ADRA1A: variants seen among roughly 807,000 people sequenced by gnomAD.
ADRA1A encodes alpha-1A adrenergic receptor.
Under a neutral mutation model 29.6 loss-of-function variants are expected in ADRA1A, and 31 were observed. The ratio of observed to expected loss-of-function variants is 1.05; its 90% confidence interval spans 0.79 to 1.41. The LOEUF (loss-of-function observed/expected upper bound fraction) is 1.41. ADRA1A is among the 40% of genes most tolerant of loss of function. The pLI is 0.00. For synonymous variants in ADRA1A, 311 were observed against 254.3 expected (o/e 1.22, Z -2.12); for missense variants, 619 against 601.1 (o/e 1.03, Z -0.31).
intron 2 of ADRA1A, among the ~76,000 whole-genome samples, chr8:26,749,337 A>G (rs554161161): frequency 1.3e-5 from 2 of 152,312 alleles, no homozygotes; most frequent in African/African-American, 2.4e-5. Context: ...TAACCAATCA[A>G]TATCTGGCTC....
chr8:26,842,501 A>C (rs1350665079), intron 2 of ADRA1A, among the ~76,000 whole-genome samples: 2 of 151,996 alleles, frequency 1.3e-5, no homozygotes, highest in African/African-American at 4.8e-5. Context: ...ATTCCCATTG[A>C]CCTGCCTTGA....
intron 2 of ADRA1A, chr8:26,859,079 C>T (rs1382078116): frequency 7.8e-7 from 1 of 1,283,832 alleles, no homozygotes; most frequent in Non-Finnish European, 1.0e-6. Flanking sequence ...TTTCACTTCT[C>T]AGCTGTGGAT....
At chr8:26,812,745 A>G (rs1265585968) in intron 2 of ADRA1A, among the ~76,000 whole-genome samples, 3 of 151,556 alleles carry the variant, frequency 2.0e-5, no homozygotes, top group South Asian at 2.1e-4. Flanking sequence ...GCTCACTGCA[A>G]GCTCCGCCTC....
Position 26,866,979 on chromosome 8 carries a change from T to C in ADRA1A, c.-730A>G, listed in dbSNP as rs570122. ...GCCACCAGCTCGCGCGCGGGGGATG[T>C]GGACCCGGCTTCGGTCCCGGGAGCT... On this transcript the variant is annotated 5_prime_UTR_variant, in exon 1 of 3. Coordinates refer to ENST00000380573, the MANE Select transcript of ADRA1A (RefSeq NM_000680.4). This position sits in a 1 kb window ranked among gnomAD's most constrained non-coding sequence, Gnocchi z 5.7. 929,638 of 985,260 alleles carry C rather than the reference T, an allele frequency of 0.94. 439,082 individuals are homozygous for C. Among genetic ancestry groups the C allele is most frequent in the Non-Finnish European group, 0.95 (791,451 of 830,022 alleles). The allele number at this position is 985,260 out of a possible 1,614,324, so 61.0% of individuals were successfully genotyped here.
At chr8:26,754,424 A>T (rs907014783), downstream of ADRA1A, among the ~76,000 whole-genome samples, 3 of 151,994 alleles carry the variant, frequency 2.0e-5, no homozygotes, top group Non-Finnish European at 4.4e-5. Flanking sequence ...CAAATACCAA[A>T]CCTGGAGAAG....
In ADRA1A at chr8:26,823,740, C is replaced by T. The variant is rs1463940761; in HGVS notation, c.883+40347G>A. 6.6e-6 allele frequency among the ~76,000 whole-genome samples: 1 copy of T among 152,146 alleles called. No individual in the cohort carries two copies. Among genetic ancestry groups the T allele is most frequent in the Non-Finnish European group, 1.5e-5 (1 of 68,022 alleles). On this transcript the variant is annotated intron_variant, in intron 2 of 2. Transcript: ENST00000380573. This position sits in a 1 kb window ranked among gnomAD's most constrained non-coding sequence, Gnocchi z 4.2. Reference sequence around the variant, plus strand: ...ATTTCATCACTCATACTTGACACCTCATATTCTTGCAACTTCAAGGGCACA... The same window carrying T: ...ATTTCATCACTCATACTTGACACCTTATATTCTTGCAACTTCAAGGGCACA...
At chr8:26,766,249 G>T, downstream of ADRA1A, 1 of 850,066 alleles carries the variant, frequency 1.2e-6, no homozygotes, top group Non-Finnish European at 2.0e-6. Context: ...TCCCAAAAGT[G>T]TTTCTATGAA....
intron 2 of ADRA1A, chr8:26,779,351 C>G (rs904420286): frequency 1.4e-6 from 1 of 702,826 alleles, no homozygotes; most frequent in African/African-American, 1.7e-5. Flanking sequence ...TCACCTCCAA[C>G]CCCAGCACTG....
chr8:26,787,928 T>C lies in ADRA1A; in HGVS notation c.884-17262A>G, dbSNP rs946789234. On this transcript the variant is annotated intron_variant, in intron 2 of 2. Coordinates refer to ENST00000380573, the MANE Select transcript of ADRA1A (RefSeq NM_000680.4). The surrounding 1 kb of genome is among the most constrained non-coding windows in gnomAD (Gnocchi z 4.2). ...CTTGTCTATTTTTTTTTTTTTAACA[T>C]TTGGGGATAATTTCCAAGGTCAGAA... 6.6e-6 allele frequency among the ~76,000 whole-genome samples: 1 copy of C among 151,946 alleles called. No individual in the cohort carries two copies. The highest frequency in any genetic ancestry group is 2.4e-5 in the African/African-American group (1 of 41,354).
intron 2 of ADRA1A, among the ~76,000 whole-genome samples, chr8:26,829,138 G>T (rs1029475808): frequency 4.6e-5 from 7 of 152,126 alleles, no homozygotes; most frequent in African/African-American, 1.4e-4. Flanking sequence ...GTGCCTTCCA[G>T]TTGTCACCAG....
chr8:26,798,431 C>A lies in ADRA1A; in HGVS notation c.884-27765G>T, dbSNP rs148653926. Among the ~76,000 whole-genome samples the A allele has an allele frequency of 3.1e-4, 47 of 152,244 alleles. 1 individual carries two copies. Among genetic ancestry groups the A allele is most frequent in the African/African-American group, 1.1e-3 (46 of 41,540 alleles). On this transcript the variant is annotated intron_variant, in intron 2 of 2. Transcript: ENST00000380573. ...AAGGACTCAATATGTTAAGCAGATC[C>A]GAATATACTTATCCCTTTGCTTACA...
intron 2 of ADRA1A, chr8:26,757,186 T>C: frequency 1.5e-6 from 1 of 656,216 alleles, no homozygotes; most frequent in South Asian, 1.5e-5. Context: ...TCCCCGAAAG[T>C]GACTTTTTTT....
chr8:26,748,749 C>CA lies in ADRA1A; in HGVS notation c.1270-2_1270-1insT. The CA allele has an allele frequency of 3.3e-6, 1 of 306,614 alleles. No homozygotes were observed. Among genetic ancestry groups the CA allele is most frequent in the Non-Finnish European group, 6.0e-6 (1 of 166,230 alleles). The allele number at this position is 306,614 out of a possible 1,614,324, so 19.0% of individuals were successfully genotyped here. On this transcript the variant is annotated splice_acceptor_variant, in intron 2 of 2. Transcript: ENST00000380586. LOFTEE classifies it high-confidence loss of function. ...GCCTGGTGACAGAGCGAGACTTCGT[C>CA]TAAAAAAAAAAAAAAAAAAAAGTTG...
chr8:26,858,797 T>A (rs1813226051), intron 2 of ADRA1A, among the ~76,000 whole-genome samples: 1 of 152,194 alleles, frequency 6.6e-6, no homozygotes, highest in African/African-American at 2.4e-5. Flanking sequence ...CAACTGCACA[T>A]GGCACCCCCC....
intron 2 of ADRA1A, among the ~76,000 whole-genome samples, chr8:26,839,826 C>T (rs61761851): frequency 6.6e-6 from 1 of 152,034 alleles, no homozygotes; most frequent in Non-Finnish European, 1.5e-5. Flanking sequence ...GGAGGAAAGG[C>T]ACAAACTATG....
downstream of ADRA1A, among the ~76,000 whole-genome samples, chr8:26,764,506 A>T (rs1805670165): frequency 6.6e-6 from 1 of 152,236 alleles, no homozygotes; most frequent in Non-Finnish European, 1.5e-5. Flanking sequence ...AATGAGTGAG[A>T]TATGAACGTC....
chr8:26,804,567 C>T (rs1051403808), intron 2 of ADRA1A, among the ~76,000 whole-genome samples: 1 of 152,118 alleles, frequency 6.6e-6, no homozygotes, highest in South Asian at 2.1e-4. Flanking sequence ...GTAAACAGAT[C>T]AGTATTTGCC....
intron 2 of ADRA1A, chr8:26,859,214 T>C (rs1182687799): frequency 2.1e-5 from 27 of 1,270,744 alleles, no homozygotes; most frequent in Non-Finnish European, 2.8e-5. Flanking sequence ...CCCTTGAATA[T>C]AATAATATGA....
intron 2 of ADRA1A, among the ~76,000 whole-genome samples, chr8:26,861,374 T>G (rs1468465923): frequency 6.9e-6 from 1 of 145,190 alleles, no homozygotes; most frequent in African/African-American, 2.5e-5. Context: ...TGATCTCGGC[T>G]CACTGCAACC....
Sources: allele counts gnomAD v4.1 joint callset (sites outside exome capture counted in the v4.1 genomes callset), GRCh38; gene constraint gnomAD v4.1.1; non-coding constraint Gnocchi (gnomAD v3.1); transcripts MANE v1.5; gene names NCBI Gene and HGNC (gene_info 2026-07-23, HGNC 2026-07-21).